Variants in VPS37D observed in about 807,000 individuals in gnomAD.
VPS37D encodes the protein VPS37D subunit of ESCRT-I, also known as vacuolar protein sorting-associated protein 37D.
VPS37D carries 5 observed loss-of-function variants against 22.0 expected under a neutral mutation model. The ratio of observed to expected loss-of-function variants is 0.23; its 90% CI spans 0.12 to 0.48. VPS37D has a LOEUF of 0.48. Ranked by LOEUF, VPS37D falls within the 20% of genes least tolerant of loss-of-function variation. The probability of loss-of-function intolerance (pLI) is 0.99; values close to 1 mark genes in which losing one functional copy is unlikely to be tolerated. For synonymous variants in VPS37D, 174 were observed against 159.3 expected, an observed-to-expected ratio of 1.09 and a Z score of -0.69; for missense variants, 384 against 345.8, an observed-to-expected ratio of 1.11 and a Z score of -0.88.
At chr7:73,670,209 T>G (rs1797476297) in intron 3 of VPS37D, 107 bp downstream of exon 3, 1 of 1,514,216 alleles carries the variant, frequency 6.6e-7, no homozygotes, top group Non-Finnish European at 8.9e-7. Context: ...CTCTGGGAAG[T>G]CCACCCTGAA....
Position 73,671,345 on chromosome 7 carries a change from G to A in VPS37D, c.725G>A (p.Arg242Gln), listed in dbSNP as rs971906667. The A allele has an allele frequency of 1.5e-5, 20 of 1,377,636 alleles. No individual in the cohort carries two copies. In the African/African-American group the frequency reaches 2.2e-4, roughly 15 times the overall value. 85.3% of individuals were successfully genotyped at this position (1,377,636 alleles called of 1,614,324 possible). Reference protein sequence around the residue: ...PLGPAPLLSPRPSQPEPPHR With the variant: ...PLGPAPLLSPQPSQPEPPHR ...GGCCCGGCCCCCCTGCTGAGCCCTC[G>A]GCCCTCGCAGCCAGAGCCCCCCCAC... The change falls in exon 4 of 4, where the codon CGG (arginine) becomes CAG (glutamine). Residue 242 changes from arginine (R) to glutamine (Q), a missense_variant. Arg to Gln is a conservative substitution (Grantham distance 43). Transcript: ENST00000324941.
chr7:73,669,824 C>T (rs781956651), intron 2 of VPS37D, among the ~76,000 whole-genome samples, 196 bp from the exon 3 acceptor site: 1 of 152,172 alleles, frequency 6.6e-6, no homozygotes, highest in Non-Finnish European at 1.5e-5. Flanking sequence ...CCTCCCCTGT[C>T]TCTTTTGTAC....
At chr7:73,667,368 C>T (rs1797397899), upstream of VPS37D, among the ~76,000 whole-genome samples, 1 of 151,608 alleles carries the variant, frequency 6.6e-6, no homozygotes, top group Non-Finnish European at 1.5e-5. Flanking sequence ...TGGCCTCAAG[C>T]GATCCTCCCT....
At chr7:73,665,773 A>G (rs1317302813), upstream of VPS37D, among the ~76,000 whole-genome samples, 1 of 152,174 alleles carries the variant, frequency 6.6e-6, no homozygotes, top group African/African-American at 2.4e-5. Flanking sequence ...ACCCAGCTCA[A>G]ATGCCACCTC....
chr7:73,667,817 C>T (rs2116625245), upstream of VPS37D: 1 of 191,342 alleles, frequency 5.2e-6, no homozygotes, highest in Non-Finnish European at 9.8e-6. Flanking sequence ...GCGGGAGGGG[C>T]GCCCCCTGGC....
In VPS37D at chr7:73,671,054, A is replaced by T. The variant is rs1554609613; in HGVS notation, c.434A>T (p.Glu145Val). 1 of 1,612,392 alleles carries T rather than the reference A, an allele frequency of 6.2e-7. No homozygotes were observed. The highest frequency in any genetic ancestry group is 8.5e-7 in the Non-Finnish European group (1 of 1,179,724). Residue 145 changes from glutamate to valine, a missense_variant, in exon 4 of 4, where the codon GAG becomes GTG. By Grantham distance (121) the Glu-to-Val change is moderately radical (BLOSUM62 -2). Coordinates refer to ENST00000324941, the MANE Select transcript of VPS37D (RefSeq NM_001077621.2). ...CTGCTGCTCGGGGAGCAAAGCCTGGAGGCCTTCCTGCCTGCCTTCCAGCGT... is the reference window on the plus strand; with the variant it reads ...CTGCTGCTCGGGGAGCAAAGCCTGGTGGCCTTCCTGCCTGCCTTCCAGCGT... ...EQLLLGEQSL[E>V]AFLPAFQRGR...
At position 73,670,090 on chromosome 7, in the gene VPS37D, G is replaced by T; in HGVS notation, c.381G>T (p.Glu127Asp). ...GWLQAELEEA[E>D]QEAEEQMEQL... ...TGCAGGCTGAGCTAGAAGAGGCGGAGCAGGAGGCAGAGGTGAGGGGAGGGG... is the reference window on the plus strand; with the variant it reads ...TGCAGGCTGAGCTAGAAGAGGCGGATCAGGAGGCAGAGGTGAGGGGAGGGG... The change falls in exon 3 of 4, where the codon GAG becomes GAT. Residue 127 changes from glutamate (E) to aspartate (D), a missense_variant. Glu to Asp is a conservative substitution (Grantham distance 45). Transcript: ENST00000324941. 1 of 1,551,110 alleles carries T rather than the reference G, an allele frequency of 6.4e-7. No homozygotes were observed. The highest frequency in any genetic ancestry group is 8.7e-7 in the Non-Finnish European group (1 of 1,146,844).
chr7:73,671,334 G>A lies in VPS37D; in HGVS notation c.714G>A (p.Leu238=). Residue 238 remains leucine (L), a synonymous_variant, in exon 4 of 4, where the codon CTG becomes CTA. Coordinates refer to ENST00000324941, the MANE Select transcript of VPS37D (RefSeq NM_001077621.2). The part of the protein sequence containing the change: ...SPGCPLGPAP[L]LSPRPSQPEP... ...GGTGCCCCCTCGGCCCGGCCCCCCT[G>A]CTGAGCCCTCGGCCCTCGCAGCCAG... The A allele has an allele frequency of 7.2e-7, 1 of 1,383,886 alleles. No homozygotes were observed. The highest frequency in any genetic ancestry group is 9.3e-7 in the Non-Finnish European group (1 of 1,069,670). The allele number at this position is 1,383,886 out of a possible 1,614,324, so 85.7% of individuals were successfully genotyped here.
Position 73,669,391 on chromosome 7 carries a change from G to A in VPS37D, c.139-28G>A, listed in dbSNP as rs782306667. On this transcript the variant is annotated intron_variant, in intron 1 of 3. Transcript: ENST00000324941. ...GGTGGACAGGGCAGATCCCCTGAGC[G>A]GGCCTCTTAGCTCCTCTCTGCCCGC... is the stretch of plus-strand genomic sequence containing the variant. 1.8e-5 allele frequency: 28 copies of A among 1,526,672 alleles called. No individual in the cohort carries two copies. In the African/African-American group the frequency reaches 3.2e-4, roughly 17 times the overall value. The allele number at this position is 1,526,672 out of a possible 1,614,324, so 94.6% of individuals were successfully genotyped here.
chr7:73,667,436 G>C (rs1199634463), upstream of VPS37D, among the ~76,000 whole-genome samples: 1 of 152,128 alleles, frequency 6.6e-6, no homozygotes, highest in Non-Finnish European at 1.5e-5. Context: ...CGGCCAGCAA[G>C]TCAGCGCTCA....
At chr7:73,670,178 C>T (rs1797475455) in intron 3 of VPS37D, 76 bp downstream of exon 3, 3 of 1,545,058 alleles carry the variant, frequency 1.9e-6, no homozygotes, top group Non-Finnish European at 2.6e-6. Context: ...CATTCTTACA[C>T]CTCAGGCTGG....
chr7:73,671,023 G>C lies in VPS37D; in HGVS notation c.403G>C (p.Glu135Gln), dbSNP rs1359144327. 9.9e-6 allele frequency: 16 copies of C among 1,612,294 alleles called. No individual in the cohort carries two copies. Among genetic ancestry groups the C allele is most frequent in the African/African-American group, 1.3e-5 (1 of 74,960 alleles). Reference protein sequence around the residue: ...EAEQEAEEQMEQLLLGEQSLE... With the variant: ...EAEQEAEEQMQQLLLGEQSLE... ...TTCCCTCCCGGCCCAGGAGCAGATG[G>C]AGCAGCTGCTGCTCGGGGAGCAAAG... The change falls in exon 4 of 4, where the codon GAG becomes CAG. Residue 135 changes from glutamate to glutamine, a missense_variant. Physicochemically the swap from Glu to Gln is conservative, Grantham distance 29. Transcript: ENST00000324941.
chr7:73,671,464 G>A lies in VPS37D; in HGVS notation c.*88G>A. ...TCCCCCACTGCCTGGGTGGGGGGAG[G>A]GGCAGGCCCCTCCCCCTGGCCTCAG... On this transcript the variant is annotated 3_prime_UTR_variant, in exon 4 of 4. Coordinates refer to ENST00000324941, the MANE Select transcript of VPS37D (RefSeq NM_001077621.2). 1.7e-6 allele frequency: 1 copy of A among 590,300 alleles called. No individual in the cohort carries two copies. Among genetic ancestry groups the A allele is most frequent in the South Asian group, 3.5e-5 (1 of 28,542 alleles). The allele number at this position is 590,300 out of a possible 1,614,324, so 36.6% of individuals were successfully genotyped here.
In VPS37D at chr7:73,671,010, C is replaced by T. The variant is rs782412919; in HGVS notation, c.394-4C>T. 9 of 1,611,560 alleles carry T rather than the reference C, an allele frequency of 5.6e-6. No homozygotes were observed. Among genetic ancestry groups the T allele is most frequent in the East Asian group, 2.2e-5 (1 of 44,774 alleles). The stretch of plus-strand genomic sequence containing the variant: ...CCCAAGCCTTCCCTTCCCTCCCGGC[C>T]CAGGAGCAGATGGAGCAGCTGCTGC... On this transcript the variant is annotated splice_polypyrimidine_tract_variant and splice_region_variant and intron_variant, in intron 3 of 3. Coordinates refer to ENST00000324941, the MANE Select transcript of VPS37D (RefSeq NM_001077621.2).
chr7:73,671,404 G>A lies in VPS37D; in HGVS notation c.*28G>A, dbSNP rs549435401. ...TCCACGGTGCGGCCCCCCAGTTGGGGGGCCTAGACAAACTTGATGCGTGGC... is the reference window on the plus strand; with the variant it reads ...TCCACGGTGCGGCCCCCCAGTTGGGAGGCCTAGACAAACTTGATGCGTGGC... On this transcript the variant is annotated 3_prime_UTR_variant, in exon 4 of 4. Coordinates refer to ENST00000324941, the MANE Select transcript of VPS37D (RefSeq NM_001077621.2). 7.5e-7 allele frequency: 1 copy of A among 1,332,976 alleles called. No individual in the cohort carries two copies. Among genetic ancestry groups the A allele is most frequent in the Non-Finnish European group, 9.6e-7 (1 of 1,038,856 alleles). The allele number at this position is 1,332,976 out of a possible 1,614,324, so 82.6% of individuals were successfully genotyped here.
At position 73,668,082 on chromosome 7, in the gene VPS37D, C is replaced by A. The variant is rs1186629553; in HGVS notation, c.124C>A (p.Arg42=). ...QDEPKLDRIV[R]LSRKFQGLQL... is the part of the protein sequence containing the mutation. The stretch of plus-strand genomic sequence containing the variant: ...TGAGCCCAAGCTGGACCGGATCGTG[C>A]GGCTCAGCAGGAAGGTAGCGCGGGG... The change falls in exon 1 of 4, where the codon CGG becomes AGG. Residue 42 remains arginine, a synonymous_variant. Transcript: ENST00000324941. The A allele has an allele frequency of 9.8e-6, 11 of 1,120,288 alleles. No individual in the cohort carries two copies. The highest frequency in any genetic ancestry group is 1.2e-5 in the Non-Finnish European group (11 of 907,644). 69.4% of individuals were successfully genotyped at this position (1,120,288 alleles called of 1,614,324 possible).
At chr7:73,670,338 G>T (rs1035195053) in intron 3 of VPS37D, among the ~76,000 whole-genome samples, 6 of 152,202 alleles carry the variant, frequency 3.9e-5, no homozygotes, top group Admixed American at 3.3e-4. Flanking sequence ...AGGGCAGCGT[G>T]GATCTGGGGC....
In VPS37D at chr7:73,671,978, A is replaced by G. The variant is rs1394050846; in HGVS notation, c.*602A>G. On this transcript the variant is annotated 3_prime_UTR_variant, in exon 4 of 4. Coordinates refer to ENST00000324941, the MANE Select transcript of VPS37D (RefSeq NM_001077621.2). ...CAGGTGAGAGTGGGCCATACCCAGG[A>G]AAGACCATTCTGTATTTTTCTGTCC... The G allele has an allele frequency of 2.0e-5, 3 of 152,290 alleles. No individual in the cohort carries two copies. Among genetic ancestry groups the G allele is most frequent in the African/African-American group, 7.2e-5 (3 of 41,440 alleles). The allele number at this position is 152,290 out of a possible 1,614,324, so 9.4% of individuals were successfully genotyped here. A position where few individuals can be genotyped will look rare whatever the true frequency, so the allele number is the denominator to read the frequency against.
intron 1 of VPS37D, 148 bp from the exon 2 acceptor site, chr7:73,669,271 C>A: frequency 1.0e-6 from 1 of 984,340 alleles, no homozygotes; most frequent in Non-Finnish European, 1.4e-6. Context: ...ATCGTCCCTT[C>A]ACCTGTTGGG....
Sources: allele counts gnomAD v4.1 joint callset (sites outside exome capture counted in the v4.1 genomes callset), GRCh38; gene constraint gnomAD v4.1.1; transcripts MANE v1.5; gene names NCBI Gene and HGNC (gene_info 2026-07-23, HGNC 2026-07-21).